WDR41: variants seen among roughly 807,000 people sequenced by gnomAD.
WDR41 encodes the protein WD repeat domain 41.
In WDR41, 63 loss-of-function variants were observed where a neutral mutation model predicts 69.3. The observed-to-expected ratio is 0.91, with a 90% confidence interval of 0.74 to 1.12. The LOEUF (loss-of-function observed/expected upper bound fraction) is 1.12. Ranked by LOEUF, WDR41 falls within the 50% of genes most tolerant of loss-of-function variation. The pLI is 0.00. For missense variants in WDR41, 543 were observed against 534.5 expected, an observed-to-expected ratio of 1.02 and a Z score of -0.16; for synonymous variants, 185 against 192.1, an observed-to-expected ratio of 0.96 and a Z score of 0.31.
chr5:77,603,676 A>G (rs1331417801), intron 1 of WDR41, among the ~76,000 whole-genome samples: 1 of 152,174 alleles, frequency 6.6e-6, no homozygotes, highest in Non-Finnish European at 1.5e-5. Flanking sequence ...TGTTTGCTCT[A>G]TGTTTTCTTC....
intron 1 of WDR41, among the ~76,000 whole-genome samples, chr5:77,583,523 A>G (rs547695101): frequency 5.3e-5 from 8 of 151,860 alleles, no homozygotes; most frequent in South Asian, 2.1e-4. Flanking sequence ...GAAAAAAGAA[A>G]AAAAAAAGCT....
intron 1 of WDR41, among the ~76,000 whole-genome samples, chr5:77,569,397 C>T (rs4704431): frequency 0.33 from 49,453 of 151,858 alleles, 9,212 homozygotes; most frequent in African/African-American, 0.49. Flanking sequence ...TCATATTGTA[C>T]TTTTTATAAT....
At chr5:77,446,546 C>G (rs1799388081) in intron 8 of WDR41, among the ~76,000 whole-genome samples, 1 of 152,106 alleles carries the variant, frequency 6.6e-6, no homozygotes, top group African/African-American at 2.4e-5. Context: ...CTACAGTAAC[C>G]AAAACAACAT....
At chr5:77,613,231 A>G (rs1295944350) in intron 1 of WDR41, among the ~76,000 whole-genome samples, 1 of 152,214 alleles carries the variant, frequency 6.6e-6, no homozygotes, top group Non-Finnish European at 1.5e-5. Context: ...AAGGTAATTT[A>G]TAGATTCAAT....
chr5:77,433,364 G>C, intron 12 of WDR41, 77 bp from the exon 13 acceptor site: 1 of 1,379,334 alleles, frequency 7.2e-7, no homozygotes, highest in Non-Finnish European at 9.9e-7. Context: ...ACACATGTGC[G>C]TGTGAGATAT....
intron 1 of WDR41, among the ~76,000 whole-genome samples, chr5:77,613,044 A>G (rs1744595413): frequency 2.0e-5 from 3 of 150,218 alleles, no homozygotes; most frequent in Non-Finnish European, 3.0e-5. Flanking sequence ...CCCATTCACA[A>G]TTGCTTCAAA....
chr5:77,515,419 A>G lies in WDR41; in HGVS notation c.43-25847T>C, dbSNP rs530792374. Among the ~76,000 whole-genome samples, 13 of 152,278 alleles carry G rather than the reference A, an allele frequency of 8.5e-5. No homozygotes were observed. The South Asian group carries it at 1.9e-3, about 22-fold the overall frequency. On this transcript the variant is annotated intron_variant, in intron 1 of 5. Coordinates refer to the WDR41 transcript ENST00000509971. ...AATAACACATATGAAACTGTCATCT[A>G]TTATGACAACAATGCCTTTCCCTGG...
At chr5:77,478,656 G>A (rs1291770010) in intron 2 of WDR41, among the ~76,000 whole-genome samples, 8 of 152,108 alleles carry the variant, frequency 5.3e-5, no homozygotes, top group Non-Finnish European at 8.8e-5. Context: ...CAATAAATTA[G>A]GTATGGATGG....
chr5:77,551,515 TAAA>T (rs78550741), intron 1 of WDR41, among the ~76,000 whole-genome samples: 1 of 151,496 alleles, frequency 6.6e-6, no homozygotes, highest in African/African-American at 2.4e-5. Context: ...CTGTCGCTAC[TAAA>T]AACACAAGAA....
chr5:77,600,578 T>C (rs1450803282), intron 1 of WDR41, among the ~76,000 whole-genome samples: 1 of 152,180 alleles, frequency 6.6e-6, no homozygotes, highest in Non-Finnish European at 1.5e-5. Context: ...AATTTTACTA[T>C]GTAAAAATTT....
At chr5:77,610,092 AG>A (rs1299161787) in intron 1 of WDR41, among the ~76,000 whole-genome samples, 1,760 of 152,276 alleles carry the variant, frequency 0.012, 28 homozygotes, top group African/African-American at 0.041. Flanking sequence ...TGAAGTGAGA[AG>A]GGAAGTTTAG....
At chr5:77,513,740 A>G (rs1802244972) in intron 1 of WDR41, among the ~76,000 whole-genome samples, 2 of 152,188 alleles carry the variant, frequency 1.3e-5, no homozygotes, top group Admixed American at 6.5e-5. Flanking sequence ...AGTATTTGCC[A>G]GCTTTTAAGC....
chr5:77,499,647 G>T (rs531584351), intron 1 of WDR41: 1 of 152,224 alleles, frequency 6.6e-6, no homozygotes, highest in Admixed American at 6.5e-5. Flanking sequence ...ACGAAAGGGG[G>T]TGGTTTCCAA....
chr5:77,491,691 T>A (rs335665), intron 1 of WDR41: 23,431 of 156,724 alleles, frequency 0.15, 2,600 homozygotes, highest in African/African-American at 0.29. Context: ...GTTGGATAAG[T>A]AAATTAATTT....
chr5:77,611,182 C>T (rs1316886677), intron 1 of WDR41, among the ~76,000 whole-genome samples: 1 of 151,922 alleles, frequency 6.6e-6, no homozygotes, highest in Non-Finnish European at 1.5e-5. Flanking sequence ...TACAAAGAGA[C>T]TTAGACTCCC....
intron 1 of WDR41, among the ~76,000 whole-genome samples, chr5:77,571,879 C>G (rs1366872803): frequency 6.6e-6 from 1 of 152,100 alleles, no homozygotes; most frequent in Non-Finnish European, 1.5e-5. Context: ...TCCCAATTCT[C>G]AGGGAAAGGG....
intron 1 of WDR41, among the ~76,000 whole-genome samples, chr5:77,618,364 A>G (rs1410453895): frequency 1.3e-5 from 2 of 151,734 alleles, no homozygotes; most frequent in Non-Finnish European, 2.9e-5. Flanking sequence ...AAAGATGACT[A>G]AACAAGTTTT....
At chr5:77,558,170 A>G (rs1743449065) in intron 1 of WDR41, among the ~76,000 whole-genome samples, 1 of 151,348 alleles carries the variant, frequency 6.6e-6, no homozygotes, top group Non-Finnish European at 1.5e-5. Flanking sequence ...TTCAAATGTT[A>G]ATATATTTTA....
chr5:77,585,957 A>G (rs1047345239), intron 1 of WDR41, among the ~76,000 whole-genome samples: 4 of 152,194 alleles, frequency 2.6e-5, no homozygotes, highest in African/African-American at 9.7e-5. Context: ...CTGTACCCCA[A>G]TAACTTATGG....
Sources: allele counts gnomAD v4.1 joint callset (sites outside exome capture counted in the v4.1 genomes callset), GRCh38; gene constraint gnomAD v4.1.1; transcripts MANE v1.5; gene names NCBI Gene and HGNC (gene_info 2026-07-23, HGNC 2026-07-21).